The following EYS variants were observed in gnomAD, a reference collection of about 807,000 sequenced individuals.
EYS encodes EGF-like photoreceptor maintenance factor, also known as protein eyes shut homolog.
Under a neutral mutation model 282.1 loss-of-function variants are expected in EYS, and 250 were observed. The ratio of observed to expected loss-of-function variants is 0.89; its 90% CI spans 0.80 to 0.98. The LOEUF is 0.98. Among genes scored for constraint, EYS ranks in the 50% least tolerant of loss-of-function variants. The probability of loss-of-function intolerance (pLI) is 0.00; values close to 1 mark genes in which losing one functional copy is unlikely to be tolerated. For missense variants in EYS, 4,016 were observed against 3,709.0 expected, an observed-to-expected ratio of 1.08 and a Z score of -2.15; for synonymous variants, 1,355 against 1,282.9, an observed-to-expected ratio of 1.06 and a Z score of -1.20.
intron 2 of EYS, among the ~76,000 whole-genome samples, chr6:65,628,356 A>C (rs1374770791): frequency 6.6e-6 from 1 of 152,186 alleles, no homozygotes; most frequent in Non-Finnish European, 1.5e-5. Flanking sequence ...CGCACCAATC[A>C]GCACCCTGAC....
intron 26 of EYS, among the ~76,000 whole-genome samples, chr6:64,559,949 C>T (rs745749212): frequency 2.6e-5 from 4 of 152,040 alleles, no homozygotes; most frequent in Admixed American, 6.6e-5. Context: ...GTGTGTTGTT[C>T]TCCTCTTTGA....
intron 11 of EYS, among the ~76,000 whole-genome samples, chr6:65,299,873 CCCCAAA>C (rs996636915): frequency 5.9e-5 from 9 of 152,208 alleles, no homozygotes; most frequent in African/African-American, 2.2e-4. Flanking sequence ...CTGCTCCTTA[CCCCAAA>C]ACACACACAC....
At position 65,550,143 on chromosome 6, in the gene EYS, C is replaced by CTTTTTTTTTTTTT; in HGVS notation, c.-332-54163_-332-54151dup. Among the ~76,000 whole-genome samples the CTTTTTTTTTTTTT allele has an allele frequency of 1.3e-3, 8 of 5,954 alleles. 2 individuals carry two copies. The highest frequency in any genetic ancestry group is 2.0e-3 in the Non-Finnish European group (8 of 4,062). The allele number at this position is 5,954 out of a possible 152,430, so 3.9% of individuals were successfully genotyped here. On this transcript the variant is annotated intron_variant, in intron 2 of 42. Coordinates refer to ENST00000503581, the MANE Select transcript of EYS (RefSeq NM_001142800.2). ...AAGTTAGTATCTGACTCTACTATATCTTTTTTTTTTTTTTTTTTTTTTTTT... is the reference window on the plus strand; with the variant it reads ...AAGTTAGTATCTGACTCTACTATATCTTTTTTTTTTTTTTTTTTTTTTTTTTTTTTTTTTTTTT...
At chr6:64,513,026 C>G (rs1187459090) in intron 26 of EYS, among the ~76,000 whole-genome samples, 1 of 150,940 alleles carries the variant, frequency 6.6e-6, no homozygotes, top group African/African-American at 2.4e-5. Context: ...AAAAAAGAAA[C>G]TTAAGTAGGA....
chr6:65,359,158 A>G (rs1764603891), intron 8 of EYS, among the ~76,000 whole-genome samples: 1 of 152,060 alleles, frequency 6.6e-6, no homozygotes, highest in African/African-American at 2.4e-5. Context: ...ATGGTTTCAC[A>G]ATGACAGTAA....
chr6:64,040,344 TG>T (rs2149836732), intron 33 of EYS, among the ~76,000 whole-genome samples: 1 of 152,290 alleles, frequency 6.6e-6, no homozygotes, highest in Admixed American at 6.5e-5. Flanking sequence ...ATTACTTAAG[TG>T]TAATTTGGAA....
chr6:64,979,555 T>C (rs1022851363), intron 14 of EYS, among the ~76,000 whole-genome samples: 1 of 151,592 alleles, frequency 6.6e-6, no homozygotes, highest in Non-Finnish European at 1.5e-5. Context: ...GCAGGACCTG[T>C]ACTCTGGAAG....
At chr6:64,660,246 A>T (rs1768948365) in intron 22 of EYS, among the ~76,000 whole-genome samples, 2 of 152,184 alleles carry the variant, frequency 1.3e-5, no homozygotes, top group Non-Finnish European at 1.5e-5. Flanking sequence ...TCAAAATAAT[A>T]AGAGCTATCT....
intron 28 of EYS, among the ~76,000 whole-genome samples, chr6:64,395,105 T>C (rs1216438123): frequency 5.3e-5 from 8 of 152,210 alleles, no homozygotes; most frequent in Admixed American, 1.3e-4. Flanking sequence ...CCAGTTAGAA[T>C]GGCGATCATT....
intron 26 of EYS, among the ~76,000 whole-genome samples, chr6:64,589,894 C>G (rs369693792): frequency 1.5e-4 from 23 of 152,098 alleles, no homozygotes; most frequent in African/African-American, 5.5e-4. Context: ...GACAAAGAAG[C>G]TATTTCAAGA....
At chr6:65,544,032 G>GT (rs1562250709) in intron 2 of EYS, among the ~76,000 whole-genome samples, 9 of 103,330 alleles carry the variant, frequency 8.7e-5, no homozygotes, top group African/African-American at 5.0e-4. Flanking sequence ...GTGTGTGTGA[G>GT]AGAGAGAGAG....
At position 65,495,236 on chromosome 6, in the gene EYS, A is replaced by C. The variant is rs761421057; in HGVS notation, c.175T>G (p.Phe59Val). The change falls in exon 4 of 43, where the codon TTT (phenylalanine) becomes GTT (valine). Residue 59 changes from phenylalanine to valine, a missense_variant. Coordinates refer to ENST00000503581, the MANE Select transcript of EYS (RefSeq NM_001142800.2). ...TCTATTTTAGTGTTTACACCCAAAA[A>C]CCAGCAATCTCTGTAGAAGTCCAAG... The part of the protein sequence containing the change: ...ICLDFYRDCW[F>V]LGVNTKIDTS... The C allele has an allele frequency of 1.2e-5, 20 of 1,614,078 alleles. No homozygotes were observed. The Admixed American group carries it at 1.3e-4, about 11-fold the overall frequency.
intron 5 of EYS, among the ~76,000 whole-genome samples, chr6:65,479,807 A>G (rs1202388982): frequency 6.6e-6 from 1 of 152,128 alleles, no homozygotes; most frequent in Non-Finnish European, 1.5e-5. Flanking sequence ...TTTTAAAATG[A>G]TAAGTTTATT....
intron 2 of EYS, among the ~76,000 whole-genome samples, chr6:65,543,554 T>A (rs1339599307): frequency 6.6e-6 from 1 of 151,222 alleles, no homozygotes; most frequent in Non-Finnish European, 1.5e-5. Flanking sequence ...AATGTTTATC[T>A]CTTCATAGAA....
chr6:65,473,239 A>G (rs1288479102), intron 5 of EYS, among the ~76,000 whole-genome samples: 1 of 151,998 alleles, frequency 6.6e-6, no homozygotes, highest in Admixed American at 6.6e-5. Context: ...GATAAATTTG[A>G]TATGTCATTT....
intron 33 of EYS, among the ~76,000 whole-genome samples, chr6:64,000,384 T>C (rs963552749): frequency 6.6e-6 from 1 of 150,562 alleles, no homozygotes; most frequent in East Asian, 2.0e-4. Context: ...TTAGTAGAGA[T>C]GGAAACCAGT....
chr6:64,229,729 C>T (rs1431865012), intron 31 of EYS, among the ~76,000 whole-genome samples: 1 of 152,038 alleles, frequency 6.6e-6, no homozygotes, highest in Admixed American at 6.6e-5. Context: ...ACATCCACAT[C>T]CACACACATG....
chr6:65,509,959 G>C (rs1742373075), intron 2 of EYS, among the ~76,000 whole-genome samples: 1 of 151,616 alleles, frequency 6.6e-6, no homozygotes, highest in Non-Finnish European at 1.5e-5. Flanking sequence ...TTGTTTCCTG[G>C]ACCACACATA....
At position 64,544,168 on chromosome 6, in the gene EYS, A is replaced by T. The variant is rs940097035; in HGVS notation, c.5644+46055T>A. 2.0e-5 allele frequency among the ~76,000 whole-genome samples: 3 copies of T among 152,216 alleles called. 1 individual carries two copies. Among genetic ancestry groups the T allele is most frequent in the Non-Finnish European group, 4.4e-5 (3 of 68,028 alleles). Reference sequence around the variant, plus strand: ...TTACTGCCATTTGGGTTTCTCAGACAAAACCACAGCCTTCTACTCGATTTG... The same window carrying T: ...TTACTGCCATTTGGGTTTCTCAGACTAAACCACAGCCTTCTACTCGATTTG... On this transcript the variant is annotated intron_variant, in intron 26 of 42. Coordinates refer to ENST00000503581, the MANE Select transcript of EYS (RefSeq NM_001142800.2).
Sources: allele counts gnomAD v4.1 joint callset (sites outside exome capture counted in the v4.1 genomes callset), GRCh38; gene constraint gnomAD v4.1.1; transcripts MANE v1.5; gene names NCBI Gene and HGNC (gene_info 2026-07-23, HGNC 2026-07-21).